The following RGS17 variants were observed in gnomAD, a reference collection of about 807,000 sequenced individuals.
RGS17 encodes regulator of G protein signaling 17.
Under a neutral mutation model 25.5 loss-of-function variants are expected in RGS17, and 12 were observed. That is an observed-to-expected ratio of 0.47 (90% CI 0.30 to 0.76). RGS17 has a LOEUF of 0.76. RGS17 is among the 30% of genes least tolerant of loss of function. The pLI, the probability that RGS17 is intolerant of heterozygous loss-of-function variation, is 0.07. For synonymous variants in RGS17, 71 were observed against 76.9 expected, an observed-to-expected ratio of 0.92 and a Z score of 0.40; for missense variants, 196 against 242.2, an observed-to-expected ratio of 0.81 and a Z score of 1.27.
At chr6:153,038,986 A>G (rs1776287422) in intron 2 of RGS17, among the ~76,000 whole-genome samples, 1 of 152,214 alleles carries the variant, frequency 6.6e-6, no homozygotes, top group African/African-American at 2.4e-5. Context: ...TTAGCTTTCA[A>G]AAGGCTAGTT....
chr6:153,101,626 C>T (rs952939416), intron 1 of RGS17, among the ~76,000 whole-genome samples: 2 of 152,146 alleles, frequency 1.3e-5, no homozygotes, highest in African/African-American at 4.8e-5. Context: ...GGCTCTGCGT[C>T]CCCACCCAAG....
intron 4 of RGS17, among the ~76,000 whole-genome samples, chr6:153,012,451 A>G (rs1779143800): frequency 6.6e-6 from 1 of 152,236 alleles, no homozygotes; most frequent in Non-Finnish European, 1.5e-5. Flanking sequence ...TAAGATAATC[A>G]ATACAGTGTT....
chr6:153,129,674 T>C (rs1777757632), intron 1 of RGS17, among the ~76,000 whole-genome samples: 1 of 152,204 alleles, frequency 6.6e-6, no homozygotes, highest in Non-Finnish European at 1.5e-5. Context: ...GATTTCTCTT[T>C]ATTATTTGTG....
chr6:153,090,774 A>G (rs1026774736), intron 1 of RGS17, among the ~76,000 whole-genome samples: 15 of 152,188 alleles, frequency 9.9e-5, no homozygotes, highest in Non-Finnish European at 1.5e-4. Context: ...TGTATATGCT[A>G]CCTTCCATCA....
Position 153,011,037 on chromosome 6 carries a change from T to C in RGS17, c.*537A>G, listed in dbSNP as rs1242583289. 6.6e-6 allele frequency: 1 copy of C among 152,490 alleles called. No homozygotes were observed. The highest frequency in any genetic ancestry group is 1.5e-5 in the Non-Finnish European group (1 of 67,984). The allele number at this position is 152,490 out of a possible 1,614,324, so 9.4% of individuals were successfully genotyped here. A position where few individuals can be genotyped will look rare whatever the true frequency, so the allele number is the denominator to read the frequency against. Reference sequence around the variant, plus strand: ...CTTTTTCATGTACAGAAATATTGGCTTCAAAATTAGTGTACTAAACACAGT... The same window carrying C: ...CTTTTTCATGTACAGAAATATTGGCCTCAAAATTAGTGTACTAAACACAGT... On this transcript the variant is annotated 3_prime_UTR_variant, in exon 5 of 5. Transcript: ENST00000206262.
chr6:153,115,185 T>C (rs993560641), intron 1 of RGS17, among the ~76,000 whole-genome samples: 3 of 152,194 alleles, frequency 2.0e-5, no homozygotes, highest in Non-Finnish European at 4.4e-5. Flanking sequence ...GAAAACCCCA[T>C]CATTTCAGCC....
intron 4 of RGS17, among the ~76,000 whole-genome samples, chr6:153,016,240 T>G (rs1227953115): frequency 6.6e-6 from 1 of 152,248 alleles, no homozygotes; most frequent in Non-Finnish European, 1.5e-5. Flanking sequence ...AACGTTTTTA[T>G]TTTACCTGAA....
At chr6:153,073,502 C>T (rs762306530) in intron 1 of RGS17, among the ~76,000 whole-genome samples, 26 of 152,098 alleles carry the variant, frequency 1.7e-4, no homozygotes, top group Non-Finnish European at 3.1e-4. Flanking sequence ...TGTTTAAAAA[C>T]GGTGTTGGCA....
intron 2 of RGS17, among the ~76,000 whole-genome samples, chr6:153,040,944 G>T (rs796956821): frequency 1.3e-5 from 2 of 149,544 alleles, no homozygotes; most frequent in East Asian, 2.0e-4. Context: ...GATTGCTTGA[G>T]CCCAGGAGTT....
Position 153,111,366 on chromosome 6 carries a change from C to T in RGS17, c.-26+19758G>A, listed in dbSNP as rs185364289. ...TGACCCCACCACAGCTCTGCCAGGC[C>T]GCTGTAGCCAGACTGCCTCTCTAGA... is the stretch of plus-strand genomic sequence containing the variant. On this transcript the variant is annotated intron_variant, in intron 1 of 4. Transcript: ENST00000206262. Among the ~76,000 whole-genome samples the T allele has an allele frequency of 5.3e-5, 8 of 152,280 alleles. No individual in the cohort carries two copies. The South Asian group carries it at 6.2e-4, about 12-fold the overall frequency.
intron 1 of RGS17, among the ~76,000 whole-genome samples, chr6:153,097,822 G>A (rs1584155915): frequency 6.6e-6 from 1 of 152,092 alleles, no homozygotes. Context: ...AGTGACACAG[G>A]AGTAAGAAAA....
chr6:153,038,524 C>T lies in RGS17; in HGVS notation c.119+5376G>A, dbSNP rs564131309. Among the ~76,000 whole-genome samples, 7 of 152,256 alleles carry T rather than the reference C, an allele frequency of 4.6e-5. No homozygotes were observed. In the South Asian group the frequency reaches 1.2e-3, roughly 27 times the overall value. On this transcript the variant is annotated intron_variant, in intron 2 of 4. Coordinates refer to ENST00000206262, the MANE Select transcript of RGS17 (RefSeq NM_012419.5). ...TTACAAGTACTCTGGAAATCTTGTG[C>T]AGTGTGAGTTATTCTGCAGGAATAA...
At chr6:153,036,415 C>G (rs754364467) in intron 2 of RGS17, among the ~76,000 whole-genome samples, 5 of 152,162 alleles carry the variant, frequency 3.3e-5, no homozygotes, top group Admixed American at 6.5e-5. Flanking sequence ...TTGCAACTCT[C>G]TCACTCCTCC....
At chr6:153,107,465 A>G (rs1256205630) in intron 1 of RGS17, among the ~76,000 whole-genome samples, 1 of 152,190 alleles carries the variant, frequency 6.6e-6, no homozygotes, top group African/African-American at 2.4e-5. Context: ...TAAATATTTT[A>G]TTTCATCTTG....
At chr6:153,016,873 C>A (rs957883873) in intron 4 of RGS17, among the ~76,000 whole-genome samples, 4 of 152,114 alleles carry the variant, frequency 2.6e-5, no homozygotes, top group African/African-American at 9.7e-5. Flanking sequence ...GGTGGTGGAT[C>A]CCAGTTGGGC....
intron 2 of RGS17, among the ~76,000 whole-genome samples, chr6:153,030,455 A>G (rs999454216): frequency 2.0e-5 from 3 of 152,250 alleles, no homozygotes; most frequent in Non-Finnish European, 4.4e-5. Flanking sequence ...TTACAGAAAA[A>G]TTAAACTGAA....
chr6:153,046,773 T>C lies in RGS17; in HGVS notation c.-25-2730A>G, dbSNP rs533792448. Among the ~76,000 whole-genome samples the C allele has an allele frequency of 5.9e-5, 9 of 152,118 alleles. No homozygotes were observed. The East Asian group carries it at 1.7e-3, about 29-fold the overall frequency. On this transcript the variant is annotated intron_variant, in intron 1 of 4. Coordinates refer to ENST00000206262, the MANE Select transcript of RGS17 (RefSeq NM_012419.5). ...CCAATATATACCCAACAAGATTTTC[T>C]TCATAAGGGGAAAAATAATGGATTG...
chr6:153,031,910 G>A (rs1779367676), intron 2 of RGS17, among the ~76,000 whole-genome samples: 1 of 152,132 alleles, frequency 6.6e-6, no homozygotes, highest in South Asian at 2.1e-4. Context: ...GTTATAGAAG[G>A]TTTTGACAGC....
chr6:153,066,186 G>A (rs1166038870), intron 1 of RGS17, among the ~76,000 whole-genome samples: 11 of 152,040 alleles, frequency 7.2e-5, no homozygotes, highest in East Asian at 1.9e-4. Flanking sequence ...TAGAAGAAAC[G>A]GACAAATTCT....
Sources: gnomAD v4.1 joint callset for allele counts (sites outside exome capture counted in the v4.1 genomes callset) on GRCh38, gnomAD v4.1.1 for gene constraint, MANE v1.5 for transcripts, NCBI Gene and HGNC (gene_info 2026-07-23, HGNC 2026-07-21) for gene names.